LRRTM4: variants seen among roughly 807,000 people sequenced by gnomAD.
LRRTM4 encodes leucine rich repeat transmembrane neuronal 4, also known as leucine-rich repeat transmembrane neuronal protein 4.
LRRTM4 carries 25 observed loss-of-function variants against 47.6 expected under a neutral mutation model. That is an observed-to-expected ratio of 0.53 (90% confidence interval 0.38 to 0.73). The LOEUF is 0.73. LRRTM4 is among the 30% of genes least tolerant of loss of function. The pLI is 0.00. For synonymous variants in LRRTM4, 311 were observed against 269.5 expected, an observed-to-expected ratio of 1.15 and a Z score of -1.51; for missense variants, 638 against 713.4, an observed-to-expected ratio of 0.89 and a Z score of 1.20.
chr2:77,132,611 C>T (rs1394625371), intron 3 of LRRTM4, among the ~76,000 whole-genome samples: 2 of 152,188 alleles, frequency 1.3e-5, no homozygotes, highest in African/African-American at 4.8e-5. Flanking sequence ...ATGTTGCATC[C>T]TCCAGAGGGG....
intron 3 of LRRTM4, among the ~76,000 whole-genome samples, chr2:76,934,470 C>T (rs1464038579): frequency 6.6e-6 from 1 of 152,072 alleles, no homozygotes; most frequent in East Asian, 1.9e-4. Context: ...GATTACTGTG[C>T]CTTTCTCACA....
chr2:77,136,810 C>T (rs1215850164), intron 3 of LRRTM4, among the ~76,000 whole-genome samples: 1 of 151,874 alleles, frequency 6.6e-6, no homozygotes, highest in Non-Finnish European at 1.5e-5. Flanking sequence ...AACAATGGCA[C>T]ACGAACTATG....
chr2:76,779,819 T>A (rs992821662), intron 3 of LRRTM4, among the ~76,000 whole-genome samples: 1 of 152,180 alleles, frequency 6.6e-6, no homozygotes, highest in East Asian at 1.9e-4. Flanking sequence ...GTTAGCTGGT[T>A]ATTTTGCTCG....
chr2:77,177,151 C>T (rs1391318386), intron 3 of LRRTM4, among the ~76,000 whole-genome samples: 3 of 152,296 alleles, frequency 2.0e-5, no homozygotes, highest in Non-Finnish European at 4.4e-5. Flanking sequence ...GGAGTAGCCA[C>T]ACTTTTATTC....
At chr2:77,472,884 A>G (rs1677244971) in intron 3 of LRRTM4, among the ~76,000 whole-genome samples, 1 of 152,162 alleles carries the variant, frequency 6.6e-6, no homozygotes, top group Non-Finnish European at 1.5e-5. Context: ...AAACAAGTCA[A>G]TATCAGGTAT....
intron 3 of LRRTM4, among the ~76,000 whole-genome samples, chr2:77,243,423 AATAAAAAAAAT>A (rs869110945): frequency 0.013 from 673 of 52,608 alleles, 38 homozygotes; most frequent in African/African-American, 0.022. Context: ...AATAAAAAAA[AATAAAAAAAAT>A]AAAAAAAAAA....
At chr2:77,197,633 T>C (rs1011831356) in intron 3 of LRRTM4, among the ~76,000 whole-genome samples, 2 of 152,312 alleles carry the variant, frequency 1.3e-5, no homozygotes, top group East Asian at 1.9e-4. Flanking sequence ...AATTCACATA[T>C]TGAAAGTGTA....
chr2:77,407,634 TA>T (rs567287708), intron 3 of LRRTM4, among the ~76,000 whole-genome samples: 4,008 of 124,000 alleles, frequency 0.032, 197 homozygotes, highest in African/African-American at 0.12. Flanking sequence ...TATGATATAT[TA>T]TTATATAATA....
chr2:77,002,423 T>C (rs1677466351), intron 3 of LRRTM4, among the ~76,000 whole-genome samples: 1 of 152,032 alleles, frequency 6.6e-6, no homozygotes, highest in South Asian at 2.1e-4. Context: ...AATACTACAA[T>C]ACATTTTCAA....
At chr2:76,750,510 T>G (rs537214624) in intron 3 of LRRTM4, among the ~76,000 whole-genome samples, 10 of 152,314 alleles carry the variant, frequency 6.6e-5, no homozygotes, top group African/African-American at 2.4e-4. Flanking sequence ...TTAAAATAAC[T>G]GATATTTTGT....
At chr2:76,974,165 T>C (rs13389479) in intron 3 of LRRTM4, among the ~76,000 whole-genome samples, 97 of 80,654 alleles carry the variant, frequency 1.2e-3, no homozygotes, top group African/African-American at 7.3e-3. Flanking sequence ...CATATATATA[T>C]ATACATACAT....
At chr2:77,374,503 T>C (rs1672759878) in intron 3 of LRRTM4, among the ~76,000 whole-genome samples, 1 of 151,884 alleles carries the variant, frequency 6.6e-6, no homozygotes, top group African/African-American at 2.4e-5. Context: ...GTGAGTGATA[T>C]CAATATATTT....
chr2:77,042,908 G>A (rs1211947402), intron 3 of LRRTM4, among the ~76,000 whole-genome samples: 2 of 151,598 alleles, frequency 1.3e-5, no homozygotes, highest in African/African-American at 4.8e-5. Context: ...CTTTTTCTGT[G>A]CCACACAAAG....
At chr2:77,208,506 G>A (rs1674203835) in intron 3 of LRRTM4, among the ~76,000 whole-genome samples, 1 of 152,194 alleles carries the variant, frequency 6.6e-6, no homozygotes, top group African/African-American at 2.4e-5. Flanking sequence ...GAAAAGGGAA[G>A]AAGGGAAGCC....
intron 3 of LRRTM4, among the ~76,000 whole-genome samples, chr2:77,488,179 G>A (rs949102041): frequency 1.3e-5 from 2 of 152,112 alleles, no homozygotes; most frequent in African/African-American, 2.4e-5. Context: ...CTTCTTTGGG[G>A]CTCTTCAGTA....
At chr2:77,038,551 C>T (rs1448446836) in intron 3 of LRRTM4, among the ~76,000 whole-genome samples, 2 of 151,454 alleles carry the variant, frequency 1.3e-5, no homozygotes, top group Non-Finnish European at 3.0e-5. Flanking sequence ...AATTCTGTAT[C>T]CCCTTCAGTT....
chr2:77,401,314 A>C (rs1177215043), intron 3 of LRRTM4, among the ~76,000 whole-genome samples: 1 of 151,976 alleles, frequency 6.6e-6, no homozygotes, highest in Non-Finnish European at 1.5e-5. Flanking sequence ...GTTATAGAAT[A>C]CTTAAATGGT....
rs753616356 is a variant in LRRTM4 at position 77,518,798 on chromosome 2, A to G, written c.1071T>C (p.Tyr357=). The G allele has an allele frequency of 2.5e-6, 4 of 1,612,438 alleles. No homozygotes were observed. Among genetic ancestry groups the G allele is most frequent in the East Asian group, 2.2e-5 (1 of 44,752 alleles). The change falls in exon 3 of 4, where the codon TAT becomes TAC. Residue 357 remains tyrosine (Y), a synonymous_variant. Coordinates refer to ENST00000409884, the MANE Select transcript of LRRTM4 (RefSeq NM_001134745.3). The stretch of plus-strand genomic sequence containing the variant: ...CCACCTGGACTTCAGAACAGATATT[A>G]TATGTTTCCACTGCATCACTAACCT... ...GEKVSDAVET[Y]NICSEVQVVN...
intron 3 of LRRTM4, among the ~76,000 whole-genome samples, chr2:77,253,379 A>G (rs1357109757): frequency 6.6e-6 from 1 of 152,082 alleles, no homozygotes; most frequent in Non-Finnish European, 1.5e-5. Context: ...TCTAGCTGTC[A>G]ATAGAGGCCA....
Sources: gnomAD v4.1 joint callset for allele counts (sites outside exome capture counted in the v4.1 genomes callset) on GRCh38, gnomAD v4.1.1 for gene constraint, MANE v1.5 for transcripts, NCBI Gene and HGNC (gene_info 2026-07-23, HGNC 2026-07-21) for gene names.